ZNF442: variants seen among roughly 807,000 people sequenced by gnomAD.
The protein encoded by ZNF442 is zinc finger protein 442.
A neutral mutation model predicts 57.0 loss-of-function variants in ZNF442; 45 were observed. The ratio of observed to expected loss-of-function variants is 0.79; its 90% confidence interval spans 0.62 to 1.01. The LOEUF (loss-of-function observed/expected upper bound fraction) is 1.01. ZNF442 is among the 50% of genes least tolerant of loss of function. The pLI is 0.00. For synonymous variants in ZNF442, 213 were observed against 241.8 expected (o/e 0.88, Z 1.10); for missense variants, 690 against 756.5 (o/e 0.91, Z 1.03).
intron 3 of ZNF442, among the ~76,000 whole-genome samples, chr19:12,361,949 T>C (rs1969435402): frequency 6.6e-6 from 1 of 152,216 alleles, no homozygotes; most frequent in South Asian, 2.1e-4. Flanking sequence ...CTCCAGCTCC[T>C]AACCGCGAGT....
intron 4 of ZNF442, 125 bp downstream of exon 4, chr19:12,352,863 C>G (rs530981580): frequency 8.3e-7 from 1 of 1,209,744 alleles, no homozygotes; most frequent in East Asian, 2.6e-5. Context: ...CCCAGCACCA[C>G]TTAACCCTGT....
At chr19:12,361,080 A>G (rs1429668661) in intron 3 of ZNF442, among the ~76,000 whole-genome samples, 1 of 151,720 alleles carries the variant, frequency 6.6e-6, no homozygotes, top group East Asian at 1.9e-4. Flanking sequence ...AATCCCAGCT[A>G]CTCGGGAGGC....
At chr19:12,361,789 G>A (rs1969432125) in intron 3 of ZNF442, among the ~76,000 whole-genome samples, 1 of 150,892 alleles carries the variant, frequency 6.6e-6, no homozygotes. Context: ...GGACTGTAGT[G>A]CCGCCATCTC....
Position 12,350,656 on chromosome 19 carries a change from A to C in ZNF442, c.929T>G (p.Ile310Arg). ...RAFSVSSSLR[I>R]HERTHTGEKP... ...CTCTCCAGTGTGAGTTCTTTCATGT[A>C]TTCGAAGGGAACTGGAAACACTGAA... Residue 310 changes from isoleucine to arginine, a missense_variant, in exon 6 of 6, where the codon ATA (isoleucine) becomes AGA (arginine). By Grantham distance (97) the Ile-to-Arg change is moderately conservative. Coordinates refer to ENST00000242804, the MANE Select transcript of ZNF442 (RefSeq NM_030824.3). The C allele has an allele frequency of 6.2e-7, 1 of 1,613,416 alleles. No individual in the cohort carries two copies. The highest frequency in any genetic ancestry group is 8.5e-7 in the Non-Finnish European group (1 of 1,179,860).
chr19:12,355,795 T>C (rs931902061), intron 3 of ZNF442, among the ~76,000 whole-genome samples: 17 of 151,760 alleles, frequency 1.1e-4, no homozygotes, highest in African/African-American at 3.9e-4. Context: ...TGGTGAAACC[T>C]GATCACTAGA....
At chr19:12,357,405 G>A (rs1462031486) in intron 3 of ZNF442, among the ~76,000 whole-genome samples, 5 of 133,068 alleles carry the variant, frequency 3.8e-5, no homozygotes, top group South Asian at 2.4e-4. Context: ...AGGCTGGAGC[G>A]CAATGGTGCA....
At chr19:12,354,986 A>G (rs1457848310) in intron 3 of ZNF442, among the ~76,000 whole-genome samples, 1 of 152,122 alleles carries the variant, frequency 6.6e-6, no homozygotes, top group African/African-American at 2.4e-5. Context: ...ATGAGAAAAA[A>G]AATACGTATT....
chr19:12,353,897 T>C (rs555548729), intron 3 of ZNF442, among the ~76,000 whole-genome samples: 1 of 152,236 alleles, frequency 6.6e-6, no homozygotes, highest in Non-Finnish European at 1.5e-5. Context: ...GAAAGAGACC[T>C]GGGCTAGACA....
Position 12,349,929 on chromosome 19 carries a change from T to C in ZNF442, c.1656A>G (p.Ala552=), listed in dbSNP as rs1969188955. 6 of 1,614,080 alleles carry C rather than the reference T, an allele frequency of 3.7e-6. No homozygotes were observed. The highest frequency in any genetic ancestry group is 4.2e-6 in the Non-Finnish European group (5 of 1,180,032). ...GCAGAAGGCAAGTGAGCCAAGAGAA[T>C]GCTTTCCTGCATTCCTTACATTCAT... The part of the protein sequence containing the change: ...KPYECKECRK[A]FSWLTCLLRH... The change falls in exon 6 of 6, where the codon GCA becomes GCG. Residue 552 remains alanine (A), a synonymous_variant. Transcript: ENST00000242804.
At chr19:12,361,352 T>C (rs1969422578) in intron 3 of ZNF442, among the ~76,000 whole-genome samples, 1 of 152,198 alleles carries the variant, frequency 6.6e-6, no homozygotes, top group Non-Finnish European at 1.5e-5. Flanking sequence ...TGCCACAGCA[T>C]TTAGCATTAA....
chr19:12,362,581 G>C (rs1273998182), intron 3 of ZNF442, among the ~76,000 whole-genome samples: 3 of 149,026 alleles, frequency 2.0e-5, no homozygotes, highest in Non-Finnish European at 4.5e-5. Flanking sequence ...ACCCCGTCCG[G>C]GAGGGAGGTG....
intron 3 of ZNF442, among the ~76,000 whole-genome samples, chr19:12,358,066 A>G (rs558736193): frequency 1.1e-4 from 16 of 150,544 alleles, no homozygotes; most frequent in Non-Finnish European, 2.1e-4. Context: ...GGGTTTAAGC[A>G]ATTCTCTGCC....
chr19:12,355,086 T>A (rs565592889), intron 3 of ZNF442, among the ~76,000 whole-genome samples: 6 of 151,942 alleles, frequency 3.9e-5, no homozygotes, highest in Non-Finnish European at 8.8e-5. Flanking sequence ...GGTCAGGAGA[T>A]CGAGACCATC....
intron 3 of ZNF442, among the ~76,000 whole-genome samples, chr19:12,360,075 T>C (rs75577949): frequency 0.024 from 3,696 of 152,312 alleles, 155 homozygotes; most frequent in African/African-American, 0.084. Context: ...GAAAAGAACT[T>C]TTCTGCCCAA....
At chr19:12,357,645 GC>G (rs1410869743) in intron 3 of ZNF442, among the ~76,000 whole-genome samples, 4 of 150,230 alleles carry the variant, frequency 2.7e-5, no homozygotes, top group Non-Finnish European at 5.9e-5. Flanking sequence ...GAGCCACCAT[GC>G]CCGGCCCTAC....
Position 12,351,052 on chromosome 19 carries a change from T to C in ZNF442, c.533A>G (p.Lys178Arg), listed in dbSNP as rs1401116684. The C allele has an allele frequency of 6.2e-7, 1 of 1,614,092 alleles. No homozygotes were observed. The highest frequency in any genetic ancestry group is 8.5e-7 in the Non-Finnish European group (1 of 1,180,024). The change falls in exon 6 of 6, where the codon AAG becomes AGG. Residue 178 changes from lysine to arginine, a missense_variant. By Grantham distance (26) the Lys-to-Arg change is conservative (BLOSUM62 2). Coordinates refer to ENST00000242804, the MANE Select transcript of ZNF442 (RefSeq NM_030824.3). Reference protein sequence around the residue: ...FQTQERPHTGKKRYDCKECGK... With the variant: ...FQTQERPHTGRKRYDCKECGK... ...ACATTCCTTACAATCATAGCGTTTC[T>C]TTCCAGTGTGAGGTCTTTCCTGTGT...
At position 12,351,103 on chromosome 19, in the gene ZNF442, G is replaced by C; in HGVS notation, c.482C>G (p.Ala161Gly). Residue 161 changes from alanine to glycine, a missense_variant, in exon 6 of 6, where the codon GCC (alanine) becomes GGC (glycine). Ala to Gly is a moderately conservative substitution (Grantham distance 60). Transcript: ENST00000242804. ...TTGAAAGGAGTGGTGATAATTGAAG[G>C]CTGTCCCACATTGTTTATGTGTATG... ...KPHTHKQCGT[A>G]FNYHHSFQTQ... 1 of 1,614,116 alleles carries C rather than the reference G, an allele frequency of 6.2e-7. No individual in the cohort carries two copies. The highest frequency in any genetic ancestry group is 8.5e-7 in the Non-Finnish European group (1 of 1,180,014).
chr19:12,363,215 A>T (rs536815335), intron 3 of ZNF442, among the ~76,000 whole-genome samples: 1 of 151,944 alleles, frequency 6.6e-6, no homozygotes, highest in South Asian at 2.1e-4. Flanking sequence ...CTGTTTTCTG[A>T]AATCTAACTA....
intron 3 of ZNF442, among the ~76,000 whole-genome samples, chr19:12,355,207 C>T (rs917534052): frequency 6.8e-5 from 10 of 146,460 alleles, no homozygotes; most frequent in African/African-American, 2.3e-4. Flanking sequence ...AGGAGAATGG[C>T]GTGAACCCAA....
Sources: gnomAD v4.1 joint callset for allele counts (sites outside exome capture counted in the v4.1 genomes callset) on GRCh38, gnomAD v4.1.1 for gene constraint, MANE v1.5 for transcripts, NCBI Gene and HGNC (gene_info 2026-07-23, HGNC 2026-07-21) for gene names.